CNBD1: variants seen among roughly 807,000 people sequenced by gnomAD.
CNBD1 encodes the protein cyclic nucleotide-binding domain-containing protein 1.
In CNBD1, 71 loss-of-function variants were observed where a neutral mutation model predicts 54.4. The observed-to-expected ratio is 1.30, with a 90% CI of 1.08 to 1.59. CNBD1 has a LOEUF of 1.59. Among genes scored for constraint, CNBD1 ranks in the 40% most tolerant of loss-of-function variants. The pLI is 0.00. For synonymous variants in CNBD1, 182 were observed against 170.7 expected, an observed-to-expected ratio of 1.07 and a Z score of -0.51; for missense variants, 659 against 518.0, an observed-to-expected ratio of 1.27 and a Z score of -2.64.
intron 4 of CNBD1, among the ~76,000 whole-genome samples, chr8:87,165,844 T>C (rs1254600817): frequency 2.0e-5 from 3 of 152,000 alleles, no homozygotes; most frequent in Non-Finnish European, 4.4e-5. Flanking sequence ...TATTGTTTAT[T>C]TGCCGTCATA....
intron 8 of CNBD1, among the ~76,000 whole-genome samples, 180 bp from the exon 9 acceptor site, chr8:87,351,505 A>G (rs959327379): frequency 6.6e-6 from 1 of 152,206 alleles, no homozygotes; most frequent in Non-Finnish European, 1.5e-5. Context: ...TGTTAGAGAT[A>G]TAAATACTGG....
chr8:87,320,156 T>A (rs1809488412), intron 8 of CNBD1, among the ~76,000 whole-genome samples: 1 of 152,116 alleles, frequency 6.6e-6, no homozygotes, highest in East Asian at 1.9e-4. Flanking sequence ...AAAAACTGAC[T>A]TGAAACAAAT....
At chr8:87,034,935 C>T (rs999262638) in intron 4 of CNBD1, among the ~76,000 whole-genome samples, 2 of 151,972 alleles carry the variant, frequency 1.3e-5, no homozygotes, top group Non-Finnish European at 2.9e-5. Context: ...CAATGTACAT[C>T]TCTGGATAAT....
chr8:87,379,023 G>T (rs1433161801), intron 10 of CNBD1, among the ~76,000 whole-genome samples: 2 of 150,302 alleles, frequency 1.3e-5, no homozygotes, highest in Non-Finnish European at 1.5e-5. Context: ...AGACTTTGCT[G>T]AAGTTGCTTA....
At chr8:87,048,605 A>G (rs1240369239) in intron 4 of CNBD1, among the ~76,000 whole-genome samples, 1 of 152,180 alleles carries the variant, frequency 6.6e-6, no homozygotes, top group African/African-American at 2.4e-5. Flanking sequence ...TCAGGAGTCC[A>G]AAACAAGAAG....
At chr8:87,254,838 G>A (rs747190671) in intron 6 of CNBD1, among the ~76,000 whole-genome samples, 10 of 152,090 alleles carry the variant, frequency 6.6e-5, no homozygotes, top group Non-Finnish European at 1.3e-4. Context: ...ACTCTGTTTT[G>A]AGGCTACTGT....
chr8:87,311,740 A>G (rs981829691), intron 8 of CNBD1, among the ~76,000 whole-genome samples: 14 of 152,292 alleles, frequency 9.2e-5, no homozygotes, highest in Middle Eastern at 3.4e-3. Flanking sequence ...TGTGGCACAT[A>G]TATACCATGA....
intron 10 of CNBD1, among the ~76,000 whole-genome samples, chr8:87,366,748 C>G (rs1179608603): frequency 6.6e-6 from 1 of 151,976 alleles, no homozygotes; most frequent in Non-Finnish European, 1.5e-5. Context: ...CACTGCCATC[C>G]CTAAGCTTTC....
chr8:87,156,865 T>C (rs1471876453), intron 4 of CNBD1, among the ~76,000 whole-genome samples: 3 of 151,818 alleles, frequency 2.0e-5, no homozygotes, highest in Non-Finnish European at 4.4e-5. Flanking sequence ...AGAAAGTAAA[T>C]AGAAAAAAAG....
intron 4 of CNBD1, among the ~76,000 whole-genome samples, chr8:86,988,009 A>C (rs4961008): frequency 0.95 from 143,889 of 152,190 alleles, 68,127 homozygotes; most frequent in East Asian, 1. Flanking sequence ...ACGCTAGCTT[A>C]ATATAATGAG....
chr8:87,340,389 G>C (rs1810041503), intron 8 of CNBD1, among the ~76,000 whole-genome samples: 1 of 152,088 alleles, frequency 6.6e-6, no homozygotes, highest in Non-Finnish European at 1.5e-5. Context: ...GAGTTCTTTT[G>C]ATTTATTTTA....
At chr8:87,400,474 A>C (rs562315777) in intron 2 of CNBD1, among the ~76,000 whole-genome samples, 1 of 152,140 alleles carries the variant, frequency 6.6e-6, no homozygotes, top group Non-Finnish European at 1.5e-5. Flanking sequence ...GCAGTATCTT[A>C]AGGAACTTGT....
At chr8:87,129,568 G>T (rs1230066829) in intron 4 of CNBD1, among the ~76,000 whole-genome samples, 1 of 151,684 alleles carries the variant, frequency 6.6e-6, no homozygotes, top group Non-Finnish European at 1.5e-5. Flanking sequence ...TAGGTTATCT[G>T]TTTTCTATTT....
At chr8:87,306,899 T>C (rs1361228545) in intron 8 of CNBD1, among the ~76,000 whole-genome samples, 3 of 152,024 alleles carry the variant, frequency 2.0e-5, no homozygotes, top group African/African-American at 7.2e-5. Context: ...TGTACCCAAA[T>C]AATTTACGGA....
chr8:87,025,207 T>C (rs1809611575), intron 4 of CNBD1, among the ~76,000 whole-genome samples: 1 of 152,070 alleles, frequency 6.6e-6, no homozygotes, highest in East Asian at 1.9e-4. Flanking sequence ...CTCTGTAAAA[T>C]GGACCAATCA....
At chr8:87,284,894 C>A in intron 7 of CNBD1, 79 bp downstream of exon 7, 1 of 977,730 alleles carries the variant, frequency 1.0e-6, no homozygotes, top group Non-Finnish European at 1.5e-6. Flanking sequence ...TAGACAAAGA[C>A]AGCTATATCT....
At chr8:87,137,754 G>A (rs1169330536) in intron 4 of CNBD1, among the ~76,000 whole-genome samples, 1 of 152,098 alleles carries the variant, frequency 6.6e-6, no homozygotes, top group Non-Finnish European at 1.5e-5. Flanking sequence ...GAATGGGAAA[G>A]CATATGAACG....
intron 4 of CNBD1, among the ~76,000 whole-genome samples, chr8:87,050,782 C>A (rs1810295255): frequency 6.6e-6 from 1 of 152,204 alleles, no homozygotes; most frequent in Non-Finnish European, 1.5e-5. Context: ...ACATTCCCCA[C>A]TGGGTTTCTG....
At chr8:87,153,429 A>G (rs558166229) in intron 4 of CNBD1, among the ~76,000 whole-genome samples, 1 of 152,304 alleles carries the variant, frequency 6.6e-6, no homozygotes, top group Admixed American at 6.5e-5. Context: ...ATAGAGAAAG[A>G]CAACAGCATA....
Sources: gnomAD v4.1 joint callset for allele counts (sites outside exome capture counted in the v4.1 genomes callset) on GRCh38, gnomAD v4.1.1 for gene constraint, MANE v1.5 for transcripts, NCBI Gene and HGNC (gene_info 2026-07-23, HGNC 2026-07-21) for gene names.